ZDHHC15: variants seen among roughly 807,000 people sequenced by gnomAD.
ZDHHC15 encodes the protein zDHHC palmitoyltransferase 15, also known as palmitoyltransferase ZDHHC15.
In ZDHHC15, 19 loss-of-function variants were observed where a neutral mutation model predicts 31.7. That is an observed-to-expected ratio of 0.60 (90% CI 0.42 to 0.88). The LOEUF (loss-of-function observed/expected upper bound fraction) is 0.88. Ranked by LOEUF, ZDHHC15 falls within the 40% of genes least tolerant of loss-of-function variation. The pLI, the probability that ZDHHC15 is intolerant of heterozygous loss-of-function variation, is 0.00. For synonymous variants in ZDHHC15, 103 were observed against 90.0 expected (o/e 1.14, Z -0.82); for missense variants, 209 against 251.2 (o/e 0.83, Z 1.14).
intron 4 of ZDHHC15, among the ~76,000 whole-genome samples, chrX:75,440,052 A>G (rs1284386178): frequency 9.0e-6 from 1 of 111,530 alleles, no homozygotes; most frequent in African/African-American, 3.3e-5. Context: ...GGATACCAGC[A>G]CCTGCTCCAG....
At chrX:75,490,108 G>A (rs188880715) in intron 2 of ZDHHC15, among the ~76,000 whole-genome samples, 10 of 111,782 alleles carry the variant, frequency 8.9e-5, no homozygotes, top group Non-Finnish European at 1.9e-4. Context: ...CCAAATCTAC[G>A]TCTGACTGGT....
At chrX:75,379,221 T>G (rs749632182) in intron 10 of ZDHHC15, 23 bp from the exon 11 acceptor site, 5 of 1,206,827 alleles carry the variant, frequency 4.1e-6, no homozygotes, top group Middle Eastern at 2.3e-4. Context: ...AACGTGAAGA[T>G]GATCAAATGT....
chrX:75,445,043 A>G (rs1223342708), intron 4 of ZDHHC15, among the ~76,000 whole-genome samples: 1 of 110,348 alleles, frequency 9.1e-6, no homozygotes, highest in Non-Finnish European at 1.9e-5. Flanking sequence ...GGACTACACC[A>G]TCACCTTTCC....
intron 8 of ZDHHC15, among the ~76,000 whole-genome samples, chrX:75,423,964 T>C (rs748593799): frequency 9.0e-6 from 1 of 111,521 alleles, no homozygotes; most frequent in African/African-American, 3.3e-5. Flanking sequence ...TTGTACACAA[T>C]GTAAATACTT....
chrX:75,518,786 TATATATATATATATATATATACAC>T (rs1363961217), intron 1 of ZDHHC15, among the ~76,000 whole-genome samples: 2 of 24,394 alleles, frequency 8.2e-5, no homozygotes, highest in African/African-American at 2.4e-4. Flanking sequence ...TATATATATA[TATATATATATATATATATATACAC>T]ACACACACAC....
chrX:75,410,510 T>A (rs780034313), intron 10 of ZDHHC15, among the ~76,000 whole-genome samples: 119 of 112,094 alleles, frequency 1.1e-3, no homozygotes, highest in Non-Finnish European at 1.9e-3. Flanking sequence ...ATGCTCAACA[T>A]CACCAATCTT....
At chrX:75,432,864 G>A (rs750651420) in intron 4 of ZDHHC15, among the ~76,000 whole-genome samples, 1 of 110,991 alleles carries the variant, frequency 9.0e-6, no homozygotes, top group Non-Finnish European at 1.9e-5. Flanking sequence ...TGCACTTGTG[G>A]CCTCAGCTAC....
chrX:75,513,878 C>A (rs199560674), intron 1 of ZDHHC15, among the ~76,000 whole-genome samples: 4 of 103,118 alleles, frequency 3.9e-5, no homozygotes, highest in South Asian at 4.2e-4. Context: ...TTTTACATAA[C>A]AAAAAAAAAA....
intron 2 of ZDHHC15, among the ~76,000 whole-genome samples, chrX:75,494,955 C>T (rs2084966439): frequency 8.9e-6 from 1 of 111,951 alleles, no homozygotes; most frequent in South Asian, 3.7e-4. Flanking sequence ...AACTAAAGAT[C>T]TTCTGCACAG....
intron 4 of ZDHHC15, among the ~76,000 whole-genome samples, chrX:75,445,061 C>G (rs2084014620): frequency 9.0e-6 from 1 of 110,643 alleles, no homozygotes; most frequent in Admixed American, 9.7e-5. Flanking sequence ...TCCTGGGTCT[C>G]CATCTCACTG....
chrX:75,449,192 CT>C (rs2084074475), intron 4 of ZDHHC15, among the ~76,000 whole-genome samples: 2 of 80,354 alleles, frequency 2.5e-5, no homozygotes, highest in Non-Finnish European at 4.7e-5. Flanking sequence ...TAATCTCTCT[CT>C]CTCTCTATAC....
intron 1 of ZDHHC15, among the ~76,000 whole-genome samples, chrX:75,518,794 TATATATATATATACAC>T (rs1373011274): frequency 1.1e-4 from 3 of 26,421 alleles, no homozygotes; most frequent in African/African-American, 3.3e-4. Context: ...TATATATATA[TATATATATATATACAC>T]ACACACACAC....
chrX:75,382,181 C>A (rs1376799831), intron 10 of ZDHHC15, among the ~76,000 whole-genome samples: 2 of 112,192 alleles, frequency 1.8e-5, no homozygotes. Context: ...CAGAGGCCAC[C>A]ATTTATTTAC....
intron 4 of ZDHHC15, among the ~76,000 whole-genome samples, chrX:75,444,679 TATATATATACAC>T (rs1330700432): frequency 1.1e-4 from 5 of 45,036 alleles, no homozygotes; most frequent in African/African-American, 3.5e-4. Flanking sequence ...TATATATATA[TATATATATACAC>T]ACACACACAC....
intron 10 of ZDHHC15, among the ~76,000 whole-genome samples, chrX:75,380,921 G>A (rs951871573): frequency 1.8e-5 from 2 of 111,198 alleles, no homozygotes; most frequent in African/African-American, 6.5e-5. Context: ...AAAATTCTAG[G>A]TTCTCACATA....
chrX:75,396,239 A>T (rs189241426), intron 10 of ZDHHC15, among the ~76,000 whole-genome samples: 1 of 112,009 alleles, frequency 8.9e-6, no homozygotes, highest in East Asian at 2.8e-4. Context: ...ATATTTGCAA[A>T]TACCCATCTG....
At chrX:75,375,671 T>C (rs1188093629) in intron 11 of ZDHHC15, among the ~76,000 whole-genome samples, 1 of 111,966 alleles carries the variant, frequency 8.9e-6, no homozygotes, top group Non-Finnish European at 1.9e-5. Flanking sequence ...TTTGGTTTCC[T>C]GTTTCTGTGT....
intron 3 of ZDHHC15, among the ~76,000 whole-genome samples, chrX:75,475,400 T>C (rs1375378970): frequency 3.6e-5 from 4 of 111,842 alleles, no homozygotes; most frequent in African/African-American, 1.3e-4. Context: ...TTTTTATATA[T>C]GGTGTGAGGT....
intron 1 of ZDHHC15, among the ~76,000 whole-genome samples, chrX:75,518,804 T>TACACACACAC (rs2085403194): frequency 4.2e-5 from 1 of 23,759 alleles, no homozygotes; most frequent in Non-Finnish European, 7.4e-5. Context: ...TATATATATA[T>TACACACACAC]ATACACACAC....
Sources: gnomAD v4.1 joint callset for allele counts (sites outside exome capture counted in the v4.1 genomes callset) on GRCh38, gnomAD v4.1.1 for gene constraint, MANE v1.5 for transcripts, NCBI Gene and HGNC (gene_info 2026-07-23, HGNC 2026-07-21) for gene names.